Variants in LHX8 observed in about 807,000 individuals in gnomAD.
LHX8 encodes LIM/homeobox protein Lhx8.
A neutral mutation model predicts 40.3 loss-of-function variants in LHX8; 12 were observed. That is an observed-to-expected ratio of 0.30 (90% CI 0.19 to 0.48). The LOEUF (loss-of-function observed/expected upper bound fraction) is 0.48. Among genes scored for constraint, LHX8 ranks in the 20% least tolerant of loss-of-function variants. LHX8 has a pLI of 0.99. For synonymous variants in LHX8, 179 were observed against 162.0 expected (o/e 1.10, Z -0.80); for missense variants, 344 against 433.7 (o/e 0.79, Z 1.84).
the LHX8 span, among the ~76,000 whole-genome samples, chr1:75,169,525 G>A: frequency 1.3e-5 from 2 of 152,094 alleles, no homozygotes; most frequent in Non-Finnish European, 2.9e-5. Flanking sequence ...GCTCTGAAGT[G>A]GAAAAGGGGC....
chr1:75,153,580 T>C (rs1038418773), intron 7 of LHX8, among the ~76,000 whole-genome samples: 13 of 151,484 alleles, frequency 8.6e-5, no homozygotes, highest in African/African-American at 2.4e-4. Flanking sequence ...ACTGGCTAAT[T>C]TTTGTATTTT....
Position 75,148,772 on chromosome 1 carries a change from A to T in LHX8, c.780+90A>T. On this transcript the variant is annotated intron_variant, in intron 7 of 8. Transcript: ENST00000356261. ...TGCCCAGACTGATCTTGAACTCTTGAGCTTAAGTGATTCTCCCACCTCAGC... is the reference window on the plus strand; with the variant it reads ...TGCCCAGACTGATCTTGAACTCTTGTGCTTAAGTGATTCTCCCACCTCAGC... 4 of 879,436 alleles carry T rather than the reference A, an allele frequency of 4.5e-6. No homozygotes were observed. The Admixed American group carries it at 8.6e-5, about 19-fold the overall frequency. 54.5% of individuals were successfully genotyped at this position (879,436 alleles called of 1,614,324 possible).
intron 7 of LHX8, among the ~76,000 whole-genome samples, chr1:75,153,469 A>G (rs1319208484): frequency 2.0e-5 from 3 of 151,570 alleles, no homozygotes; most frequent in South Asian, 4.2e-4. Context: ...CTAGAGTGCA[A>G]TGGTGCAGTC....
At chr1:75,188,471 G>A in the LHX8 span, among the ~76,000 whole-genome samples, 2 of 152,148 alleles carry the variant, frequency 1.3e-5, no homozygotes, top group African/African-American at 4.8e-5. Context: ...TTTGAGCAAA[G>A]CTTGTCCTGT....
downstream of LHX8, chr1:75,161,615 T>C (rs530296440): frequency 6.6e-6 from 1 of 152,058 alleles, no homozygotes; most frequent in South Asian, 2.1e-4. Context: ...GTTTAAAAAG[T>C]ATTGTGTTTT....
At chr1:75,159,074 C>A (rs904500701) in intron 8 of LHX8, among the ~76,000 whole-genome samples, 6 of 152,048 alleles carry the variant, frequency 3.9e-5, no homozygotes, top group African/African-American at 1.4e-4. Context: ...AAGTTTATCT[C>A]TAAGTATTTC....
chr1:75,142,397 G>A (rs1317170570), intron 4 of LHX8, among the ~76,000 whole-genome samples: 2 of 152,116 alleles, frequency 1.3e-5, no homozygotes, highest in African/African-American at 4.8e-5. Context: ...AGTCACTCAG[G>A]CTGTAAGAAG....
In LHX8 at chr1:75,134,540, G is replaced by C. The variant is rs976779352; in HGVS notation, c.-427G>C. Among the ~76,000 whole-genome samples the C allele has an allele frequency of 6.6e-6, 1 of 151,938 alleles. No individual in the cohort carries two copies. The highest frequency in any genetic ancestry group is 1.5e-5 in the Non-Finnish European group (1 of 67,988). On this transcript the variant is annotated 5_prime_UTR_variant, in exon 1 of 9. Transcript: ENST00000356261. ...TCAGCTTTTATTAGTGGATCGGGGC[G>C]GGGGAGGGGGGAGATCGGCAGACAC...
chr1:75,175,720 C>T, the LHX8 span, among the ~76,000 whole-genome samples: 7 of 151,814 alleles, frequency 4.6e-5, no homozygotes, highest in African/African-American at 7.3e-5. Context: ...ATGTACACAA[C>T]GTGCAGGTTT....
the LHX8 span, among the ~76,000 whole-genome samples, chr1:75,176,754 A>G: frequency 1.3e-5 from 2 of 152,278 alleles, no homozygotes; most frequent in Non-Finnish European, 2.9e-5. Flanking sequence ...GCCCATGCCT[A>G]TGTCCCGAAT....
At chr1:75,186,425 A>C in the LHX8 span, among the ~76,000 whole-genome samples, 1 of 152,308 alleles carries the variant, frequency 6.6e-6, no homozygotes, top group African/African-American at 2.4e-5. Context: ...AAGCTGACAA[A>C]AACAAGTAAT....
At chr1:75,197,515 C>T in the LHX8 span, among the ~76,000 whole-genome samples, 1 of 152,120 alleles carries the variant, frequency 6.6e-6, no homozygotes, top group African/African-American at 2.4e-5. Flanking sequence ...AATGATTTGC[C>T]TATCTATAGT....
At chr1:75,185,696 A>C in the LHX8 span, among the ~76,000 whole-genome samples, 1 of 152,128 alleles carries the variant, frequency 6.6e-6, no homozygotes, top group East Asian at 1.9e-4. Flanking sequence ...CCTGACCAGG[A>C]AAATGAGGCA....
chr1:75,177,184 A>G, the LHX8 span, among the ~76,000 whole-genome samples: 1 of 152,228 alleles, frequency 6.6e-6, no homozygotes, highest in South Asian at 2.1e-4. Context: ...TATGAACTTT[A>G]AAGTAGTTTT....
chr1:75,186,418 C>T, the LHX8 span, among the ~76,000 whole-genome samples: 4 of 152,252 alleles, frequency 2.6e-5, no homozygotes, highest in East Asian at 5.8e-4. Context: ...TCTGACAAAG[C>T]TGACAAAAAC....
At position 75,161,120 on chromosome 1, in the gene LHX8, A is replaced by T; in HGVS notation, c.*225A>T. On this transcript the variant is annotated 3_prime_UTR_variant, in exon 9 of 9. Coordinates refer to ENST00000356261, the MANE Select transcript of LHX8 (RefSeq NM_001256114.2). ...TTACAAGAAGAAAACAAATCAAAAC[A>T]TTTTTTGTATTGTCTGGAAATAGTT... 5.7e-6 allele frequency: 3 copies of T among 523,934 alleles called. No individual in the cohort carries two copies. The South Asian group carries it at 6.6e-5, about 11-fold the overall frequency. 32.5% of individuals were successfully genotyped at this position (523,934 alleles called of 1,614,324 possible).
the LHX8 span, among the ~76,000 whole-genome samples, chr1:75,193,314 G>A: frequency 2.0e-5 from 3 of 152,082 alleles, no homozygotes; most frequent in Non-Finnish European, 4.4e-5. Context: ...TGCCATCTTT[G>A]AGCAGCCACT....
chr1:75,181,640 C>T, the LHX8 span, among the ~76,000 whole-genome samples: 1 of 152,206 alleles, frequency 6.6e-6, no homozygotes, highest in Admixed American at 6.5e-5. Flanking sequence ...AATCCCCAAA[C>T]CCCTTGTACT....
At chr1:75,156,823 A>AC in intron 7 of LHX8, 70 bp from the exon 8 acceptor site, 1 of 1,423,012 alleles carries the variant, frequency 7.0e-7, no homozygotes, top group Non-Finnish European at 9.9e-7. Context: ...TCATTTTTTA[A>AC]CTGAGTTGAT....
Sources: allele counts gnomAD v4.1 joint callset (sites outside exome capture counted in the v4.1 genomes callset), GRCh38; gene constraint gnomAD v4.1.1; transcripts MANE v1.5; gene names NCBI Gene and HGNC (gene_info 2026-07-23, HGNC 2026-07-21).